Variants in TAAR2 observed in about 807,000 individuals in gnomAD.
TAAR2 encodes trace amine-associated receptor 2.
A neutral mutation model predicts 25.5 loss-of-function variants in TAAR2; 30 were observed. That is an observed-to-expected ratio of 1.18 (90% CI 0.88 to 1.60). The LOEUF is 1.60. Ranked by LOEUF, TAAR2 falls within the 40% of genes most tolerant of loss-of-function variation. The pLI, the probability that TAAR2 is intolerant of heterozygous loss-of-function variation, is 0.00. For missense variants in TAAR2, 481 were observed against 416.5 expected, an observed-to-expected ratio of 1.15 and a Z score of -1.35; for synonymous variants, 150 against 142.4, an observed-to-expected ratio of 1.05 and a Z score of -0.38.
In TAAR2 at chr6:132,617,161, C is replaced by T; in HGVS notation, c.1045G>A (p.Glu349Lys). Reference protein sequence around the residue: ...FHNTILCMQKESE With the variant: ...FHNTILCMQKKSE The stretch of plus-strand genomic sequence containing the variant: ...CATGCAGAAAAAGCCTACTCACTTT[C>T]TTTTTGCATACACAAAATAGTATTA... The change falls in exon 2 of 2, where the codon GAA becomes AAA. Residue 349 changes from glutamate to lysine, a missense_variant. Physicochemically the swap from Glu to Lys is moderately conservative, Grantham distance 56. Transcript: ENST00000367931. 2.7e-5 allele frequency: 43 copies of T among 1,578,352 alleles called. No individual in the cohort carries two copies. The highest frequency in any genetic ancestry group is 3.7e-5 in the Non-Finnish European group (43 of 1,168,788).
chr6:132,620,648 G>A (rs921260792), intron 1 of TAAR2, among the ~76,000 whole-genome samples: 10 of 152,058 alleles, frequency 6.6e-5, no homozygotes, highest in Non-Finnish European at 1.5e-5. Flanking sequence ...CGGGAGGAGG[G>A]AGAAGAGCAG....
Position 132,617,642 on chromosome 6 carries a change from T to C in TAAR2, c.564A>G (p.Ile188Met), listed in dbSNP as rs901846062. 3.7e-6 allele frequency: 6 copies of C among 1,613,824 alleles called. No homozygotes were observed. In the Admixed American group the frequency reaches 5.0e-5, roughly 13 times the overall value. Residue 188 changes from isoleucine to methionine, a missense_variant, in exon 2 of 2, where the codon ATA becomes ATG. Physicochemically the swap from Ile to Met is conservative, Grantham distance 10. Transcript: ENST00000367931. ...AAGCAACCAAGATGTCATAGCCCTC[T>C]ATTCCATCTGCATAGGCCTCTGAGA... ...VVFSEAYADG[I>M]EGYDILVACS...
In TAAR2 at chr6:132,617,552, G is replaced by GCCAT; in HGVS notation, c.653_654insATGG (p.Phe218LeufsTer29). 6.2e-7 allele frequency: 1 copy of GCCAT among 1,613,400 alleles called. No individual in the cohort carries two copies. Among genetic ancestry groups the GCCAT allele is most frequent in the Non-Finnish European group, 8.5e-7 (1 of 1,179,822 alleles). The stretch of plus-strand genomic sequence containing the variant: ...CCACCATCATAGACCCAGGAGTGAA[G>GCCAT]AAACCTGCCATAAACAAGGTGGTCC... On this transcript the variant is annotated frameshift_variant, in exon 2 of 2. Transcript: ENST00000367931. LOFTEE classifies it high-confidence loss of function.
chr6:132,618,097 C>A lies in TAAR2; in HGVS notation c.109G>T (p.Glu37Ter). 1 of 1,611,858 alleles carries A rather than the reference C, an allele frequency of 6.2e-7. No homozygotes were observed. The highest frequency in any genetic ancestry group is 8.5e-7 in the Non-Finnish European group (1 of 1,179,030). The change falls in exon 2 of 2, where the codon GAA (glutamate) becomes TAA (stop). Residue 37 changes from glutamate to a stop codon, truncating the protein, a stop_gained. Coordinates refer to ENST00000367931, the MANE Select transcript of TAAR2 (RefSeq NM_001033080.1). LOFTEE classifies it high-confidence loss of function. The stretch of plus-strand genomic sequence containing the variant: ...GCCACTCGGACACCCAGAGATCTTT[C>A]ATTTTCTGGGCAAGATCTATTTCCA... ...EYGNRSCPEN[E>*]RSLGVRVAMY...
chr6:132,620,289 G>A (rs1777355357), intron 1 of TAAR2, among the ~76,000 whole-genome samples: 2 of 152,198 alleles, frequency 1.3e-5, no homozygotes, highest in South Asian at 2.1e-4. Context: ...ACGTATTTGA[G>A]CAATAGAACT....
Position 132,617,506 on chromosome 6 carries a change from CA to C in TAAR2, c.699del (p.Phe233LeufsTer22). On this transcript the variant is annotated frameshift_variant, in exon 2 of 2. Transcript: ENST00000367931. LOFTEE classifies it high-confidence loss of function. ...SMMVGIYGKIFAVSRKHAHAI... is the reference protein window; with the variant it reads ...SMMVGIYGKIXAVSRKHAHAI... The stretch of plus-strand genomic sequence containing the variant: ...GCATGAGCATGTTTTCTGGATACTG[CA>C]AAAATTTTGCCATAAATCCCCACCA... 6.2e-7 allele frequency: 1 copy of C among 1,613,954 alleles called. No homozygotes were observed. The highest frequency in any genetic ancestry group is 8.5e-7 in the Non-Finnish European group (1 of 1,179,962).
chr6:132,618,415 G>C (rs538187045), intron 1 of TAAR2, among the ~76,000 whole-genome samples: 1 of 152,112 alleles, frequency 6.6e-6, no homozygotes, highest in African/African-American at 2.4e-5. Flanking sequence ...CGAGGCAGGG[G>C]GAGCACTGAA....
Position 132,617,243 on chromosome 6 carries a change from C to G in TAAR2, c.963G>C (p.Trp321Cys). Residue 321 changes from tryptophan to cysteine, a missense_variant, in exon 2 of 2, where the codon TGG becomes TGC. Coordinates refer to ENST00000367931, the MANE Select transcript of TAAR2 (RefSeq NM_001033080.1). ...NPLIYGFFYP[W>C]FRRALKYILL... Reference sequence around the variant, plus strand: ...AAATGTACTTCAGTGCTCTGCGAAACCAGGGATAGAAGAAACCATATATTA... The same window carrying G: ...AAATGTACTTCAGTGCTCTGCGAAAGCAGGGATAGAAGAAACCATATATTA... 1 of 1,613,402 alleles carries G rather than the reference C, an allele frequency of 6.2e-7. No homozygotes were observed. Among genetic ancestry groups the G allele is most frequent in the South Asian group, 1.1e-5 (1 of 90,952 alleles).
intron 1 of TAAR2, among the ~76,000 whole-genome samples, chr6:132,622,479 T>TTTTTTTTTTTTTTTTG (rs1777387490): frequency 2.1e-5 from 1 of 47,896 alleles, no homozygotes; most frequent in Admixed American, 2.2e-4. Context: ...TAGTAACCAC[T>TTTTTTTTTTTTTTTTG]TTTTTTTTTT....
Position 132,617,290 on chromosome 6 carries a change from A to C in TAAR2, c.916T>G (p.Phe306Val). 1 of 1,613,870 alleles carries C rather than the reference A, an allele frequency of 6.2e-7. No homozygotes were observed. The highest frequency in any genetic ancestry group is 1.7e-4 in the Middle Eastern group (1 of 6,058). The change falls in exon 2 of 2, where the codon TTT becomes GTT. Residue 306 changes from phenylalanine to valine, a missense_variant. Transcript: ENST00000367931. ...LFDALTWFGY[F>V]NSTCNPLIYG... Reference sequence around the variant, plus strand: ...ATTAACGGATTACATGTGGAGTTAAAATAGCCAAACCATGTCAAGGCATCA... The same window carrying C: ...ATTAACGGATTACATGTGGAGTTAACATAGCCAAACCATGTCAAGGCATCA...
intron 1 of TAAR2, 48 bp from the exon 2 acceptor site, chr6:132,618,193 T>C: frequency 4.7e-6 from 7 of 1,478,894 alleles, no homozygotes; most frequent in East Asian, 2.3e-5. Context: ...ATAAATATTC[T>C]ATGTTTTATA....
At chr6:132,619,811 T>C (rs976550218) in intron 1 of TAAR2, among the ~76,000 whole-genome samples, 1 of 152,180 alleles carries the variant, frequency 6.6e-6, no homozygotes, top group African/African-American at 2.4e-5. Flanking sequence ...AGCAAGGATA[T>C]GACTTTTGAT....
chr6:132,619,096 GACC>G (rs1001752369), intron 1 of TAAR2, among the ~76,000 whole-genome samples: 2 of 152,144 alleles, frequency 1.3e-5, no homozygotes, highest in Non-Finnish European at 2.9e-5. Context: ...ACCAAAGCTG[GACC>G]ACCCTCAGTT....
At chr6:132,619,508 CT>C (rs1290717564) in intron 1 of TAAR2, among the ~76,000 whole-genome samples, 1 of 152,108 alleles carries the variant, frequency 6.6e-6, no homozygotes, top group African/African-American at 2.4e-5. Context: ...AATTACCAGC[CT>C]CTGTGATATA....
Position 132,617,920 on chromosome 6 carries a change from T to C in TAAR2, c.286A>G (p.Ile96Val), listed in dbSNP as rs748486265. 1.2e-6 allele frequency: 2 copies of C among 1,614,062 alleles called. No individual in the cohort carries two copies. Among genetic ancestry groups the C allele is most frequent in the Non-Finnish European group, 1.7e-6 (2 of 1,179,970 alleles). The change falls in exon 2 of 2, where the codon ATC becomes GTC. Residue 96 changes from isoleucine to valine, a missense_variant. Ile to Val is a conservative substitution (Grantham distance 29). Transcript: ENST00000367931. Reference sequence around the variant, plus strand: ...GATCTGATCATACTATATGGCATGATGGTGAATCCCAGGAGGAAATCAGTG... The same window carrying C: ...GATCTGATCATACTATATGGCATGACGGTGAATCCCAGGAGGAAATCAGTG... ...AITDFLLGFT[I>V]MPYSMIRSVE...
At chr6:132,622,361 G>A (rs1027235087) in intron 1 of TAAR2, among the ~76,000 whole-genome samples, 1 of 150,614 alleles carries the variant, frequency 6.6e-6, no homozygotes, top group Non-Finnish European at 1.5e-5. Flanking sequence ...AAGGGGTAGG[G>A]AGGAGGAAGC....
At chr6:132,621,084 A>C (rs1777365596) in intron 1 of TAAR2, among the ~76,000 whole-genome samples, 1 of 152,058 alleles carries the variant, frequency 6.6e-6, no homozygotes, top group African/African-American at 2.4e-5. Context: ...ATGCTCATTA[A>C]AAAGCGTAGG....
At position 132,624,217 on chromosome 6, in the gene TAAR2, T is replaced by A; in HGVS notation, c.59A>T (p.Lys20Met). ...TTAGTCATATGTTTAAGGGCCTACC[T>A]TTTTTGTCTGTGTTCTTTTGAAATG... The part of the protein sequence containing the change: ...LSHFKRTQTK[K>M]EKFNCSEYGN... Residue 20 changes from lysine to methionine, a missense_variant and splice_region_variant, in exon 1 of 2, where the codon AAG becomes ATG. Physicochemically the swap from Lys to Met is moderately conservative, Grantham distance 95 (BLOSUM62 -1). Coordinates refer to ENST00000367931, the MANE Select transcript of TAAR2 (RefSeq NM_001033080.1). 1.2e-6 allele frequency: 2 copies of A among 1,613,280 alleles called. No individual in the cohort carries two copies. The highest frequency in any genetic ancestry group is 1.7e-6 in the Non-Finnish European group (2 of 1,179,524).
At position 132,618,123 on chromosome 6, in the gene TAAR2, T is replaced by A; in HGVS notation, c.83A>T (p.Tyr28Phe). 1 of 1,582,518 alleles carries A rather than the reference T, an allele frequency of 6.3e-7. No individual in the cohort carries two copies. The highest frequency in any genetic ancestry group is 8.6e-7 in the Non-Finnish European group (1 of 1,166,872). The change falls in exon 2 of 2, where the codon TAT (tyrosine) becomes TTT (phenylalanine). Residue 28 changes from tyrosine to phenylalanine, a missense_variant. By Grantham distance (22) the Tyr-to-Phe change is conservative. Coordinates refer to ENST00000367931, the MANE Select transcript of TAAR2 (RefSeq NM_001033080.1). ...TKKEKFNCSE[Y>F]GNRSCPENER... ...ATTTTCTGGGCAAGATCTATTTCCATATTCAGAGCAATTGAATTTTTCCTT... is the reference window on the plus strand; with the variant it reads ...ATTTTCTGGGCAAGATCTATTTCCAAATTCAGAGCAATTGAATTTTTCCTT...
Sources: gnomAD v4.1 joint callset for allele counts (sites outside exome capture counted in the v4.1 genomes callset) on GRCh38, gnomAD v4.1.1 for gene constraint, MANE v1.5 for transcripts, NCBI Gene and HGNC (gene_info 2026-07-23, HGNC 2026-07-21) for gene names.